The following KDM4C variants were observed in gnomAD, a reference collection of about 807,000 sequenced individuals.
KDM4C encodes lysine-specific demethylase 4C.
In KDM4C, 81 loss-of-function variants were observed where a neutral mutation model predicts 129.3. The observed-to-expected ratio is 0.63, with a 90% CI of 0.52 to 0.75. The LOEUF (loss-of-function observed/expected upper bound fraction) is 0.75, where lower values mean the gene tolerates loss of function less well. Ranked by LOEUF, KDM4C falls within the 30% of genes least tolerant of loss-of-function variation. The probability of loss-of-function intolerance (pLI) is 0.00; values close to 1 mark genes in which losing one functional copy is unlikely to be tolerated. For missense variants in KDM4C, 1,457 were observed against 1,304.0 expected, an observed-to-expected ratio of 1.12 and a Z score of -1.81; for synonymous variants, 573 against 456.1, an observed-to-expected ratio of 1.26 and a Z score of -3.26.
At chr9:7,162,612 A>G (rs981950439) in intron 19 of KDM4C, among the ~76,000 whole-genome samples, 1 of 152,178 alleles carries the variant, frequency 6.6e-6, no homozygotes, top group African/African-American at 2.4e-5. Flanking sequence ...CCACGTTTCC[A>G]TGTCCCTCAG....
chr9:6,962,687 C>T (rs1830230084), intron 8 of KDM4C, among the ~76,000 whole-genome samples: 1 of 152,096 alleles, frequency 6.6e-6, no homozygotes, highest in Non-Finnish European at 1.5e-5. Flanking sequence ...TAATGACTGT[C>T]ACAACCCTGA....
chr9:6,927,538 A>T (rs1822858412), intron 8 of KDM4C, among the ~76,000 whole-genome samples: 1 of 152,170 alleles, frequency 6.6e-6, no homozygotes, highest in Non-Finnish European at 1.5e-5. Flanking sequence ...AGTGATGTTA[A>T]TTAGAATATG....
Position 7,088,800 on chromosome 9 carries a change from G to A in KDM4C, c.2425-14885G>A, listed in dbSNP as rs140968697. ...GTCAATGGGCTTGGATTGGAAGCTT[G>A]CATGCCAGCAGTCCTGAGCCAGGAG... is the stretch of plus-strand genomic sequence containing the variant. On this transcript the variant is annotated intron_variant, in intron 17 of 21. Transcript: ENST00000381309. 1.2e-3 allele frequency among the ~76,000 whole-genome samples: 189 copies of A among 152,036 alleles called. 1 individual carries two copies. Among genetic ancestry groups the A allele is most frequent in the Non-Finnish European group, 1.4e-3 (94 of 68,018 alleles).
Position 6,834,505 on chromosome 9 carries a change from G to T in KDM4C, c.436-15002G>T, listed in dbSNP as rs960342296. ...GTCGTCGACAACGGCTCCGGCATGT[G>T]GAAGGCTGGCTTCGCAGGTGACGAT... On this transcript the variant is annotated intron_variant, in intron 4 of 21. Coordinates refer to ENST00000381309, the MANE Select transcript of KDM4C (RefSeq NM_015061.6). 16 of 647,198 alleles carry T rather than the reference G, an allele frequency of 2.5e-5. No homozygotes were observed. In the African/African-American group the frequency reaches 2.8e-4, roughly 12 times the overall value. The allele number at this position is 647,198 out of a possible 1,614,324, so 40.1% of individuals were successfully genotyped here.
chr9:7,122,771 A>AT (rs1194389616), intron 18 of KDM4C, among the ~76,000 whole-genome samples: 7 of 133,956 alleles, frequency 5.2e-5, no homozygotes, highest in African/African-American at 1.9e-4. Flanking sequence ...TGACGTGTAT[A>AT]TTTTTTTAAG....
intron 8 of KDM4C, among the ~76,000 whole-genome samples, chr9:6,931,256 A>G (rs1823680779): frequency 1.3e-5 from 2 of 152,152 alleles, no homozygotes; most frequent in East Asian, 3.8e-4. Flanking sequence ...CTTATCAGCT[A>G]AAGGAGTGTA....
intron 8 of KDM4C, among the ~76,000 whole-genome samples, chr9:6,968,076 A>G (rs1831313011): frequency 6.6e-6 from 1 of 152,234 alleles, no homozygotes; most frequent in African/African-American, 2.4e-5. Context: ...TGCTATCACT[A>G]TCAGCGTGAA....
chr9:6,979,724 C>T (rs146001150), intron 8 of KDM4C, among the ~76,000 whole-genome samples: 215 of 152,166 alleles, frequency 1.4e-3, no homozygotes, highest in African/African-American at 5.0e-3. Flanking sequence ...CCTTGTTATG[C>T]TAGGATTCAA....
Position 6,746,265 on chromosome 9 carries a change from T to A in KDM4C, c.49+25268T>A, listed in dbSNP as rs1285687090. Among the ~76,000 whole-genome samples the A allele has an allele frequency of 1.1e-4, 11 of 102,572 alleles. No individual in the cohort carries two copies. The East Asian group carries it at 1.5e-3, about 14-fold the overall frequency. The allele number at this position is 102,572 out of a possible 152,430, so 67.3% of individuals were successfully genotyped here. A position where few individuals can be genotyped will look rare whatever the true frequency, so the allele number is the denominator to read the frequency against. ...CAGCCATTATATATATATATATGTT[T>A]TTTTTTTTTTTTTTTTTTTTGGAGA... On this transcript the variant is annotated intron_variant, in intron 1 of 17. Coordinates refer to the KDM4C transcript ENST00000536108.
intron 15 of KDM4C, among the ~76,000 whole-genome samples, chr9:7,044,626 A>G (rs1196583111): frequency 1.3e-5 from 2 of 151,886 alleles, no homozygotes; most frequent in Admixed American, 6.6e-5. Context: ...CAATGATGGA[A>G]AACAGTCGGG....
intron 15 of KDM4C, among the ~76,000 whole-genome samples, chr9:7,036,259 A>C (rs971518763): frequency 6.6e-6 from 1 of 152,102 alleles, no homozygotes; most frequent in African/African-American, 2.4e-5. Flanking sequence ...GTTTGTTGTC[A>C]GTGGTCATGC....
rs566430123 is a variant in KDM4C, at chr9:7,097,172, C to T, written c.2425-6513C>T. Among the ~76,000 whole-genome samples the T allele has an allele frequency of 3.9e-5, 6 of 152,286 alleles. No individual in the cohort carries two copies. In the South Asian group the frequency reaches 1.2e-3, roughly 32 times the overall value. ...TAGTGGCTTTCTTATTCCTTTAAAA[C>T]CCTGCTGGGTAGCTTCTCTGAGCCA... On this transcript the variant is annotated intron_variant, in intron 17 of 21. Coordinates refer to ENST00000381309, the MANE Select transcript of KDM4C (RefSeq NM_015061.6).
chr9:7,148,314 C>T (rs1016379095), intron 19 of KDM4C, among the ~76,000 whole-genome samples: 2 of 152,218 alleles, frequency 1.3e-5, no homozygotes, highest in African/African-American at 4.8e-5. Context: ...CCTCCTTGCC[C>T]ACAGTGCGGT....
intron 8 of KDM4C, among the ~76,000 whole-genome samples, chr9:6,963,826 T>A (rs911656553): frequency 6.6e-6 from 1 of 152,206 alleles, no homozygotes; most frequent in African/African-American, 2.4e-5. Context: ...TTGATGGTGT[T>A]TCCGCCACCC....
At chr9:7,092,401 G>A (rs746094040) in intron 17 of KDM4C, among the ~76,000 whole-genome samples, 6 of 152,080 alleles carry the variant, frequency 3.9e-5, no homozygotes, top group Non-Finnish European at 5.9e-5. Flanking sequence ...AACCGCAAGT[G>A]TTACCTTTAT....
intron 17 of KDM4C, among the ~76,000 whole-genome samples, chr9:7,096,695 C>G (rs1274554781): frequency 6.6e-6 from 1 of 152,018 alleles, no homozygotes; most frequent in Non-Finnish European, 1.5e-5. Flanking sequence ...TAGAATTCGT[C>G]CAACTGTAAA....
At chr9:7,028,572 T>G (rs917293000) in intron 15 of KDM4C, among the ~76,000 whole-genome samples, 16 of 151,976 alleles carry the variant, frequency 1.1e-4, no homozygotes, top group African/African-American at 3.9e-4. Context: ...GCACAAGTAC[T>G]TCCTCAGCTG....
intron 18 of KDM4C, among the ~76,000 whole-genome samples, chr9:7,119,068 A>G (rs1454772760): frequency 6.6e-6 from 1 of 152,190 alleles, no homozygotes; most frequent in Admixed American, 6.5e-5. Context: ...AATGCAGTGC[A>G]TATGTCCACT....
intron 14 of KDM4C, among the ~76,000 whole-genome samples, chr9:7,015,431 G>A (rs1295981197): frequency 6.6e-6 from 1 of 152,018 alleles, no homozygotes; most frequent in Non-Finnish European, 1.5e-5. Context: ...CTCTGAATTT[G>A]CAGCATTTGC....
Sources: allele counts gnomAD v4.1 joint callset (sites outside exome capture counted in the v4.1 genomes callset), GRCh38; gene constraint gnomAD v4.1.1; transcripts MANE v1.5; gene names NCBI Gene and HGNC (gene_info 2026-07-23, HGNC 2026-07-21).